The following TAB2 variants were observed in gnomAD, a reference collection of about 807,000 sequenced individuals.
The protein encoded by TAB2 is TGF-beta-activated kinase 1 and MAP3K7-binding protein 2.
A neutral mutation model predicts 65.0 loss-of-function variants in TAB2; 3 were observed. The ratio of observed to expected loss-of-function variants is 0.05; its 90% CI spans 0.02 to 0.12. TAB2 has a LOEUF of 0.12. Among genes scored for constraint, TAB2 ranks in the 10% least tolerant of loss-of-function variants. The probability of loss-of-function intolerance (pLI) is 1.00; values close to 1 mark genes in which losing one functional copy is unlikely to be tolerated. For missense variants in TAB2, 623 were observed against 840.3 expected, an observed-to-expected ratio of 0.74 and a Z score of 3.20; for synonymous variants, 298 against 285.1, an observed-to-expected ratio of 1.05 and a Z score of -0.46.
chr6:149,249,550 C>A (rs1777816648), intron 1 of TAB2, among the ~76,000 whole-genome samples: 1 of 151,534 alleles, frequency 6.6e-6, no homozygotes. Flanking sequence ...CTGTCTCTGT[C>A]TCTGTCTCCC....
chr6:149,368,929 A>G (rs371159368), intron 1 of TAB2, among the ~76,000 whole-genome samples: 5 of 152,274 alleles, frequency 3.3e-5, no homozygotes, highest in Admixed American at 2.0e-4. Flanking sequence ...AAGACTGTTT[A>G]TAAAATGCTA....
chr6:149,295,063 C>A (rs1778850874), intron 1 of TAB2, among the ~76,000 whole-genome samples: 1 of 152,178 alleles, frequency 6.6e-6, no homozygotes, highest in South Asian at 2.1e-4. Flanking sequence ...TACTGTACTG[C>A]CAAAACCTCC....
At chr6:149,259,227 C>A (rs1258395898) in intron 1 of TAB2, among the ~76,000 whole-genome samples, 2 of 151,850 alleles carry the variant, frequency 1.3e-5, no homozygotes, top group Non-Finnish European at 1.5e-5. Context: ...AGTGGCAAAA[C>A]AAAGCAAGAA....
chr6:149,295,855 C>T (rs1431888344), intron 1 of TAB2, among the ~76,000 whole-genome samples: 3 of 152,156 alleles, frequency 2.0e-5, no homozygotes, highest in East Asian at 1.9e-4. Flanking sequence ...TCACTGCAAC[C>T]TCTGCCTCCC....
At position 149,380,045 on chromosome 6, in the gene TAB2, G is replaced by A. The variant is rs183097661; in HGVS notation, c.1603+527G>A. ...ATTTGAGCCCAGGAGTTTGAGACCA[G>A]CTGGGGCAACATATGGAGACTCCGT... On this transcript the variant is annotated intron_variant, in intron 3 of 6. Coordinates refer to ENST00000637181, the MANE Select transcript of TAB2 (RefSeq NM_001292034.3). The A allele has an allele frequency of 4.2e-4, 180 of 427,582 alleles. 2 individuals are homozygous for A. In the East Asian group the frequency reaches 0.012, roughly 29 times the overall value. 26.5% of individuals were successfully genotyped at this position (427,582 alleles called of 1,614,324 possible).
At chr6:149,395,650 A>G (rs756209126) in intron 3 of TAB2, among the ~76,000 whole-genome samples, 6 of 149,750 alleles carry the variant, frequency 4.0e-5, no homozygotes, top group African/African-American at 7.3e-5. Flanking sequence ...GTTTTAGACA[A>G]TGTCTGCTGC....
chr6:149,389,299 A>G (rs1367200151), intron 3 of TAB2, among the ~76,000 whole-genome samples: 1 of 152,002 alleles, frequency 6.6e-6, no homozygotes, highest in African/African-American at 2.4e-5. Flanking sequence ...CCTTGAAACC[A>G]TATTGAACTG....
intron 1 of TAB2, among the ~76,000 whole-genome samples, chr6:149,297,543 T>C (rs536560878): frequency 1.3e-5 from 2 of 152,302 alleles, no homozygotes; most frequent in African/African-American, 4.8e-5. Flanking sequence ...TTTCTCTTTT[T>C]GAGATTGGGT....
chr6:149,352,629 T>A (rs930521527), intron 1 of TAB2, among the ~76,000 whole-genome samples: 21 of 152,216 alleles, frequency 1.4e-4, no homozygotes, highest in African/African-American at 5.1e-4. Context: ...GTCATCTTGG[T>A]TTTTGATTAG....
Position 149,378,834 on chromosome 6 carries a change from T to A in TAB2, c.919T>A (p.Ser307Thr). ...TIHSSGSSQSSAHSQYNIQNI... is the reference protein window; with the variant it reads ...TIHSSGSSQSTAHSQYNIQNI... ...TCATTCATCTGGTAGCTCACAGTCT[T>A]CTGCCCATAGCCAATATAACATTCA... The change falls in exon 3 of 7, where the codon TCT becomes ACT. Residue 307 changes from serine to threonine, a missense_variant. Coordinates refer to ENST00000637181, the MANE Select transcript of TAB2 (RefSeq NM_001292034.3). 1.9e-6 allele frequency: 3 copies of A among 1,614,182 alleles called. No individual in the cohort carries two copies. Among genetic ancestry groups the A allele is most frequent in the Non-Finnish European group, 2.5e-6 (3 of 1,180,040 alleles).
chr6:149,365,919 G>T (rs1394861938), intron 1 of TAB2, among the ~76,000 whole-genome samples: 1 of 151,924 alleles, frequency 6.6e-6, no homozygotes, highest in East Asian at 1.9e-4. Context: ...ATTTTTTTCA[G>T]TTATTTTATT....
chr6:149,370,171 T>G, intron 2 of TAB2, 72 bp downstream of exon 2: 1 of 1,268,748 alleles, frequency 7.9e-7, no homozygotes, highest in Non-Finnish European at 1.1e-6. Context: ...AGAAAAACTC[T>G]TTTAGGTTAT....
chr6:149,381,546 C>CTA (rs1194014241), intron 3 of TAB2, among the ~76,000 whole-genome samples: 1 of 143,598 alleles, frequency 7.0e-6, no homozygotes, highest in Non-Finnish European at 1.5e-5. Context: ...CTTAAACTTG[C>CTA]TATCTTCAAT....
chr6:149,371,509 A>G (rs190776553), intron 2 of TAB2, among the ~76,000 whole-genome samples: 1 of 152,212 alleles, frequency 6.6e-6, no homozygotes, highest in East Asian at 1.9e-4. Context: ...TTCTTATAGT[A>G]TAATGGTTAA....
In TAB2 at chr6:149,409,437, G is replaced by A. The variant is rs998517244; in HGVS notation, c.1940-140G>A. The A allele has an allele frequency of 5.6e-6, 4 of 718,576 alleles. No homozygotes were observed. In the African/African-American group the frequency reaches 7.1e-5, roughly 13 times the overall value. The allele number at this position is 718,576 out of a possible 1,614,324, so 44.5% of individuals were successfully genotyped here. On this transcript the variant is annotated intron_variant, in intron 6 of 6. Transcript: ENST00000637181. ...ATAGAGGTTGGTAGTGATCGAGCAT[G>A]TGTGTCAGTGTCAGCTAGATGCCCC... is the stretch of plus-strand genomic sequence containing the variant.
At chr6:149,408,185 G>T (rs568806160) in intron 6 of TAB2, among the ~76,000 whole-genome samples, 2 of 152,232 alleles carry the variant, frequency 1.3e-5, no homozygotes, top group African/African-American at 2.4e-5. Flanking sequence ...TTTCTTTTCA[G>T]TTGTTTCAGG....
intron 1 of TAB2, among the ~76,000 whole-genome samples, chr6:149,333,593 A>G (rs1333204915): frequency 2.6e-5 from 4 of 152,096 alleles, no homozygotes; most frequent in African/African-American, 9.7e-5. Context: ...ATACCTTTCC[A>G]CTTTTGAGCT....
At position 149,302,837 on chromosome 6, in the gene TAB2, G is replaced by A. The variant is rs553481026; in HGVS notation, c.-120-75181G>A. On this transcript the variant is annotated intron_variant, in intron 1 of 1. Coordinates refer to the TAB2 transcript ENST00000606202. ...AACTCCCAGGCCACGGGCCAGTACT[G>A]GTCTGGAGGCTGTTAGGAACTGGGC... 3.3e-5 allele frequency among the ~76,000 whole-genome samples: 5 copies of A among 152,302 alleles called. No homozygotes were observed. The East Asian group carries it at 9.6e-4, about 29-fold the overall frequency.
chr6:149,296,713 T>C (rs148312501), intron 1 of TAB2, among the ~76,000 whole-genome samples: 13 of 152,330 alleles, frequency 8.5e-5, no homozygotes, highest in Non-Finnish European at 1.5e-4. Context: ...GGTCAGGACT[T>C]CTTTCATTAA....
Sources: allele counts gnomAD v4.1 joint callset (sites outside exome capture counted in the v4.1 genomes callset), GRCh38; gene constraint gnomAD v4.1.1; transcripts MANE v1.5; gene names NCBI Gene and HGNC (gene_info 2026-07-23, HGNC 2026-07-21).